The following EVI2B variants were observed in gnomAD, a reference collection of about 807,000 sequenced individuals.
EVI2B encodes protein EVI2B.
In EVI2B, 4 loss-of-function variants were observed where a neutral mutation model predicts 6.6. The observed-to-expected ratio is 0.61, with a 90% CI of 0.30 to 1.39. The LOEUF (loss-of-function observed/expected upper bound fraction) is 1.39, where lower values mean the gene tolerates loss of function less well. Ranked by LOEUF, EVI2B falls within the 40% of genes most tolerant of loss-of-function variation. EVI2B has a pLI of 0.08. For synonymous variants in EVI2B, 181 were observed against 186.8 expected, an observed-to-expected ratio of 0.97 and a Z score of 0.25; for missense variants, 484 against 516.6, an observed-to-expected ratio of 0.94 and a Z score of 0.61.
chr17:31,304,546 G>T lies in EVI2B; in HGVS notation c.1064C>A (p.Ser355Tyr). ...LDLEGQESNQSDKPTMTIVSP... is the reference protein window; with the variant it reads ...LDLEGQESNQYDKPTMTIVSP... Reference sequence around the variant, plus strand: ...TACAATTGTCATTGTGGGTTTGTCAGATTGGTTACTTTCCTGTCCTTCCAA... The same window carrying T: ...TACAATTGTCATTGTGGGTTTGTCATATTGGTTACTTTCCTGTCCTTCCAA... Residue 355 changes from serine (S) to tyrosine (Y), a missense_variant, in exon 2 of 2, where the codon TCT (serine) becomes TAT (tyrosine). Coordinates refer to ENST00000330927, the MANE Select transcript of EVI2B (RefSeq NM_006495.4). The T allele has an allele frequency of 6.2e-7, 1 of 1,614,180 alleles. No homozygotes were observed.
rs2068667263 is a variant in EVI2B, at chr17:31,304,871, C to T, written c.739G>A (p.Gly247Arg). 1 of 1,614,012 alleles carries T rather than the reference C, an allele frequency of 6.2e-7. No homozygotes were observed. Among genetic ancestry groups the T allele is most frequent in the Non-Finnish European group, 8.5e-7 (1 of 1,179,994 alleles). ...TCCATACAAATGTCAGGGGTTTCTC[C>T]ATCAGCAAATGGAGATCTACCTGCC... ...NWAGRSPFAD[G>R]ETPDICMDNI... is the part of the protein sequence containing the mutation. The change falls in exon 2 of 2, where the codon GGA (glycine) becomes AGA (arginine). Residue 247 changes from glycine (G) to arginine (R), a missense_variant. Physicochemically the swap from Gly to Arg is moderately radical, Grantham distance 125. Transcript: ENST00000330927.
rs762187049 is a variant in EVI2B, at chr17:31,304,802, T to C, written c.808A>G (p.Ile270Val). 5 of 1,614,028 alleles carry C rather than the reference T, an allele frequency of 3.1e-6. No individual in the cohort carries two copies. In the South Asian group the frequency reaches 4.4e-5, roughly 14 times the overall value. Residue 270 changes from isoleucine to valine, a missense_variant, in exon 2 of 2, where the codon ATT becomes GTT. Ile to Val is a conservative substitution (Grantham distance 29, BLOSUM62 3). Coordinates refer to ENST00000330927, the MANE Select transcript of EVI2B (RefSeq NM_006495.4). ...CTTGGTTTCCAGGGTGTAAGTGAAATGATTGATGTACGTTTTGTGGATATT... is the reference window on the plus strand; with the variant it reads ...CTTGGTTTCCAGGGTGTAAGTGAAACGATTGATGTACGTTTTGTGGATATT... ...NEISTKRTSI[I>V]SLTPWKPSKS... is the part of the protein sequence containing the mutation.
chr17:31,312,915 A>G (rs1253193668), intron 1 of EVI2B, among the ~76,000 whole-genome samples: 1 of 152,012 alleles, frequency 6.6e-6, no homozygotes, highest in African/African-American at 2.4e-5. Context: ...CATATTAACA[A>G]TTTTCTATTG....
At chr17:31,310,802 G>A (rs894936471) in intron 1 of EVI2B, among the ~76,000 whole-genome samples, 63 of 151,984 alleles carry the variant, frequency 4.1e-4, no homozygotes, top group African/African-American at 1.5e-3. Context: ...TTATAGGCTG[G>A]CACTTTGAGG....
chr17:31,305,382 G>A lies in EVI2B; in HGVS notation c.228C>T (p.Val76=). Reference sequence around the variant, plus strand: ...CAGCTGGTGTTGGTTGTCCAGCAGTGACTTTGGCAGGTGATATTGATTGTC... The same window carrying A: ...CAGCTGGTGTTGGTTGTCCAGCAGTAACTTTGGCAGGTGATATTGATTGTC... ...FSGQSISPAK[V]TAGQPTPAVY... Residue 76 remains valine, a synonymous_variant, in exon 2 of 2, where the codon GTC becomes GTT. Coordinates refer to ENST00000330927, the MANE Select transcript of EVI2B (RefSeq NM_006495.4). 6.2e-7 allele frequency: 1 copy of A among 1,614,176 alleles called. No homozygotes were observed. The highest frequency in any genetic ancestry group is 8.5e-7 in the Non-Finnish European group (1 of 1,180,024).
Sources: gnomAD v4.1 joint callset for allele counts (sites outside exome capture counted in the v4.1 genomes callset) on GRCh38, gnomAD v4.1.1 for gene constraint, MANE v1.5 for transcripts, NCBI Gene and HGNC (gene_info 2026-07-23, HGNC 2026-07-21) for gene names.